The following SERINC2 variants were observed in gnomAD, a reference collection of about 807,000 sequenced individuals.
The protein encoded by SERINC2 is serine incorporator 2, also known as tumor differentially expressed protein 2.
SERINC2 carries 56 observed loss-of-function variants against 54.2 expected under a neutral mutation model. The ratio of observed to expected loss-of-function variants is 1.03; its 90% CI spans 0.83 to 1.29. The LOEUF (loss-of-function observed/expected upper bound fraction) is 1.29. SERINC2 is among the 50% of genes most tolerant of loss of function. SERINC2 has a pLI of 0.00. For missense variants in SERINC2, 614 were observed against 607.4 expected (o/e 1.01, Z -0.12); for synonymous variants, 272 against 253.1 (o/e 1.07, Z -0.71).
chr1:31,425,464 A>C, intron 4 of SERINC2, 55 bp downstream of exon 4: 3 of 1,306,330 alleles, frequency 2.3e-6, no homozygotes, highest in South Asian at 2.3e-5. Context: ...GTGGGGCGGC[A>C]GGTTGGAGGA....
chr1:31,432,083 T>TGGACAGGGTGGATAGGGTGGA (rs1557501056), intron 8 of SERINC2, among the ~76,000 whole-genome samples: 1 of 19,400 alleles, frequency 5.2e-5, no homozygotes, highest in Admixed American at 5.1e-4. Context: ...GACAGGGTGG[T>TGGACAGGGTGGATAGGGTGGA]TAGGGTGGAC....
intron 1 of SERINC2, among the ~76,000 whole-genome samples, chr1:31,417,368 T>A (rs567115353): frequency 6.6e-6 from 1 of 152,344 alleles, no homozygotes; most frequent in South Asian, 2.1e-4. Context: ...TACAGGGACA[T>A]TGACCACCAC....
At chr1:31,410,347 A>G (rs782402194), upstream of SERINC2, 12 of 1,548,004 alleles carry the variant, frequency 7.8e-6, no homozygotes, top group Middle Eastern at 5.0e-4. Context: ...TAGTCCCCTC[A>G]GATAGCTGGG....
intron 8 of SERINC2, among the ~76,000 whole-genome samples, chr1:31,432,111 T>TGGAGAGGGTGGAGAGGGTGGAG (rs1557501327): frequency 9.4e-5 from 1 of 10,616 alleles, no homozygotes; most frequent in South Asian, 3.4e-3. Context: ...ACAGGGTGGA[T>TGGAGAGGGTGGAGAGGGTGGAG]AGGGTGGTTA....
At position 31,434,128 on chromosome 1, in the gene SERINC2, T is replaced by A. The variant is rs1427683106; in HGVS notation, c.1297T>A (p.Trp433Arg). ...CGTGTGGGTGAAGATCTGTGCCAGCTGGGCAGGGCTGCTCCTCTACCTGTG... is the reference window on the plus strand; with the variant it reads ...CGTGTGGGTGAAGATCTGTGCCAGCAGGGCAGGGCTGCTCCTCTACCTGTG... ...TAVWVKICAS[W>R]AGLLLYLWTL... Residue 433 changes from tryptophan (W) to arginine (R), a missense_variant, in exon 10 of 10, where the codon TGG becomes AGG. By Grantham distance (101) the Trp-to-Arg change is moderately radical. Coordinates refer to ENST00000373709, the MANE Select transcript of SERINC2 (RefSeq NM_178865.5). 6 of 1,613,902 alleles carry A rather than the reference T, an allele frequency of 3.7e-6. No homozygotes were observed. The African/African-American group carries it at 8.0e-5, about 22-fold the overall frequency.
At chr1:31,411,845 T>TA (rs1276050518), upstream of SERINC2, among the ~76,000 whole-genome samples, 1 of 151,528 alleles carries the variant, frequency 6.6e-6, no homozygotes, top group Non-Finnish European at 1.5e-5. Flanking sequence ...ACAAAATTTT[T>TA]AAAAAATTAG....
upstream of SERINC2, among the ~76,000 whole-genome samples, chr1:31,412,680 GAAGAA>G (rs1436321972): frequency 3.9e-5 from 6 of 152,128 alleles, no homozygotes; most frequent in African/African-American, 1.4e-4. Context: ...TAAAAAGGAA[GAAGAA>G]AACAGTGACG....
chr1:31,410,590 AT>A (rs1203189810), upstream of SERINC2, among the ~76,000 whole-genome samples: 1 of 152,184 alleles, frequency 6.6e-6, no homozygotes, highest in African/African-American at 2.4e-5. Context: ...AGTCATCTTA[AT>A]CCCTCGTTCC....
At chr1:31,414,418 G>A (rs1353966154) in intron 1 of SERINC2, 3 of 502,000 alleles carry the variant, frequency 6.0e-6, no homozygotes, top group Admixed American at 2.5e-4. Context: ...TGTCCCTGAC[G>A]GGTTGTGTGT....
intron 8 of SERINC2, among the ~76,000 whole-genome samples, chr1:31,431,275 C>A (rs1183757997): frequency 6.6e-6 from 1 of 151,368 alleles, no homozygotes; most frequent in Non-Finnish European, 1.5e-5. Context: ...CAGGTGCATA[C>A]CACCATGCCT....
chr1:31,423,517 G>A (rs1238630289), intron 1 of SERINC2, among the ~76,000 whole-genome samples, 176 bp from the exon 2 acceptor site: 2 of 152,172 alleles, frequency 1.3e-5, no homozygotes, highest in Non-Finnish European at 2.9e-5. Flanking sequence ...TACTGGCTGT[G>A]TAGCCCTATA....
Position 31,434,169 on chromosome 1 carries a change from ACTC to A in SERINC2, c.1344_1346del (p.Leu449del), listed in dbSNP as rs782765986. The A allele has an allele frequency of 1.9e-5, 31 of 1,613,078 alleles. No homozygotes were observed. The highest frequency in any genetic ancestry group is 1.8e-5 in the Non-Finnish European group (21 of 1,179,738). Reference sequence around the variant, plus strand: ...TCTACCTGTGGACCCTGGTAGCCCCACTCCTCCTGCGCAACCGCGACTTCAGCT... The same window carrying A: ...TCTACCTGTGGACCCTGGTAGCCCCACTCCTGCGCAACCGCGACTTCAGCT... On this transcript the variant is annotated inframe_deletion, in exon 10 of 10. Coordinates refer to ENST00000373709, the MANE Select transcript of SERINC2 (RefSeq NM_178865.5).
chr1:31,423,288 A>G (rs1640945362), intron 1 of SERINC2, among the ~76,000 whole-genome samples: 1 of 152,238 alleles, frequency 6.6e-6, no homozygotes, highest in African/African-American at 2.4e-5. Flanking sequence ...TGTGAGGAGT[A>G]CATACCACTA....
intron 1 of SERINC2, among the ~76,000 whole-genome samples, chr1:31,423,438 G>A (rs918639993): frequency 1.3e-5 from 2 of 152,030 alleles, no homozygotes; most frequent in African/African-American, 2.4e-5. Context: ...GCGTGACCTC[G>A]GCTAGCTCTC....
chr1:31,432,110 A>ACAGGATGGT (rs1557501312), intron 8 of SERINC2, among the ~76,000 whole-genome samples: 1 of 100,054 alleles, frequency 1.0e-5, no homozygotes, highest in Non-Finnish European at 2.0e-5. Context: ...GACAGGGTGG[A>ACAGGATGGT]TAGGGTGGTT....
At chr1:31,416,865 G>A (rs1304478690) in intron 1 of SERINC2, among the ~76,000 whole-genome samples, 4 of 151,924 alleles carry the variant, frequency 2.6e-5, no homozygotes, top group East Asian at 1.9e-4. Flanking sequence ...GATTACAGGC[G>A]TGCGCCACCA....
At chr1:31,425,232 C>A in intron 3 of SERINC2, 98 bp from the exon 4 acceptor site, 1 of 895,360 alleles carries the variant, frequency 1.1e-6, no homozygotes, top group Non-Finnish European at 1.9e-6. Flanking sequence ...TCAGCACCTG[C>A]TGTTTGTGGG....
In SERINC2 at chr1:31,413,837, T is replaced by C; in HGVS notation, c.39+533T>C. On this transcript the variant is annotated intron_variant, in intron 1 of 9. Transcript: ENST00000373709. The surrounding 1 kb of genome is among the most constrained non-coding windows in gnomAD (Gnocchi z 5.0). ...CGTATTTGTCTGGTTCCTGTCTGTG[T>C]CCGTCGTTCGTCCGACTGTCTTTGT... 1 of 1,410,850 alleles carries C rather than the reference T, an allele frequency of 7.1e-7. No individual in the cohort carries two copies. The highest frequency in any genetic ancestry group is 9.2e-7 in the Non-Finnish European group (1 of 1,088,950). 87.4% of individuals were successfully genotyped at this position (1,410,850 alleles called of 1,614,324 possible).
At chr1:31,410,031 G>A, upstream of SERINC2, 2 of 930,646 alleles carry the variant, frequency 2.1e-6, no homozygotes, top group South Asian at 1.8e-5. Flanking sequence ...ATCTGTCTGG[G>A]CTGGGTGATG....
Sources: allele counts gnomAD v4.1 joint callset (sites outside exome capture counted in the v4.1 genomes callset), GRCh38; gene constraint gnomAD v4.1.1; non-coding constraint Gnocchi (gnomAD v3.1); transcripts MANE v1.5; gene names NCBI Gene and HGNC (gene_info 2026-07-23, HGNC 2026-07-21).